Variants in MIX23 observed in about 807,000 individuals in gnomAD.
The protein encoded by MIX23 is mitochondrial matrix import factor 23.
In MIX23, 13 loss-of-function variants were observed where a neutral mutation model predicts 21.6. The ratio of observed to expected loss-of-function variants is 0.60; its 90% CI spans 0.39 to 0.96. The LOEUF is 0.96. MIX23 is among the 40% of genes least tolerant of loss of function. The pLI is 0.00. For missense variants in MIX23, 144 were observed against 171.2 expected, an observed-to-expected ratio of 0.84 and a Z score of 0.89; for synonymous variants, 59 against 58.0, an observed-to-expected ratio of 1.02 and a Z score of -0.08.
chr3:122,371,886 G>C (rs995332347), intron 1 of MIX23, 86 bp from the exon 2 acceptor site: 1 of 1,159,574 alleles, frequency 8.6e-7, no homozygotes, highest in Non-Finnish European at 1.2e-6. Flanking sequence ...TAAAGCTCTT[G>C]GATATTTTAC....
chr3:122,383,129 G>A, intron 1 of MIX23, 45 bp downstream of exon 1: 1 of 1,611,464 alleles, frequency 6.2e-7, no homozygotes, highest in Admixed American at 1.7e-5. Flanking sequence ...AGGGTCTGGG[G>A]ACAAAAGGAG....
chr3:122,360,054 A>C (rs1282079724), intron 4 of MIX23, 135 bp from the exon 5 acceptor site: 5 of 866,448 alleles, frequency 5.8e-6, no homozygotes, highest in Non-Finnish European at 7.3e-6. Context: ...GAAACAGAAG[A>C]GTTTCCTCAG....
intron 1 of MIX23, 139 bp downstream of exon 1, chr3:122,383,034 CA>C (rs1422615322): frequency 8.8e-7 from 1 of 1,131,534 alleles, no homozygotes; most frequent in Non-Finnish European, 1.3e-6. Context: ...CCGCGCCCCC[CA>C]TGACCTCCAA....
intron 3 of MIX23, chr3:122,367,840 A>G (rs1375041881): frequency 3.1e-6 from 1 of 324,036 alleles, no homozygotes; most frequent in African/African-American, 2.2e-5. Flanking sequence ...TACTGTACAG[A>G]TGTGATTTCC....
rs1218056941 is a variant in MIX23, at chr3:122,368,323, C to G, written c.178-1G>C. 6.4e-7 allele frequency: 1 copy of G among 1,570,418 alleles called. No homozygotes were observed. Among genetic ancestry groups the G allele is most frequent in the East Asian group, 2.3e-5 (1 of 43,954 alleles). On this transcript the variant is annotated splice_acceptor_variant, in intron 2 of 4. Transcript: ENST00000291458. LOFTEE classifies it high-confidence loss of function. ...CTCTACTGGCATGAGCTGCCATCAA[C>G]TAAAAGAACAAAGGAATGAAAGGAG... is the stretch of plus-strand genomic sequence containing the variant.
intron 2 of MIX23, among the ~76,000 whole-genome samples, 157 bp from the exon 3 acceptor site, chr3:122,368,479 G>A (rs377685282): frequency 1.3e-5 from 2 of 152,164 alleles, no homozygotes; most frequent in East Asian, 3.8e-4. Flanking sequence ...TGTTGAATCA[G>A]CTACCTCATC....
intron 1 of MIX23, among the ~76,000 whole-genome samples, chr3:122,375,321 T>C (rs550670797): frequency 2.0e-5 from 3 of 152,262 alleles, no homozygotes; most frequent in South Asian, 2.1e-4. Flanking sequence ...CATTAACTTA[T>C]GGTGGGGGAG....
At chr3:122,381,467 T>C (rs1435389307) in intron 1 of MIX23, among the ~76,000 whole-genome samples, 1 of 152,244 alleles carries the variant, frequency 6.6e-6, no homozygotes, top group Non-Finnish European at 1.5e-5. Context: ...GGCTCACGCC[T>C]GTAATCCCAG....
intron 4 of MIX23, among the ~76,000 whole-genome samples, chr3:122,361,508 T>C (rs936632117): frequency 6.6e-6 from 1 of 152,174 alleles, no homozygotes; most frequent in Non-Finnish European, 1.5e-5. Flanking sequence ...ATGGCTACAT[T>C]TTCTTCTTTT....
chr3:122,379,301 A>G (rs1478441688), intron 1 of MIX23, among the ~76,000 whole-genome samples: 1 of 152,254 alleles, frequency 6.6e-6, no homozygotes, highest in Admixed American at 6.5e-5. Context: ...TGTCCAACAT[A>G]GTAGCCCCTC....
chr3:122,359,847 AAAAAAAAAAAAG>A lies in MIX23; in HGVS notation c.*10_*21del, dbSNP rs745737302. 6.8e-6 allele frequency: 10 copies of A among 1,478,342 alleles called. No homozygotes were observed. Among genetic ancestry groups the A allele is most frequent in the South Asian group, 5.6e-5 (4 of 71,080 alleles). The allele number at this position is 1,478,342 out of a possible 1,614,324, so 91.6% of individuals were successfully genotyped here. ...CCAGTCCTTAAAAAAAAAAAAAAAAAAAAAAAAAAAAGAATCTCTCTTTATTCATTCTTTGGA... is the reference window on the plus strand; with the variant it reads ...CCAGTCCTTAAAAAAAAAAAAAAAAAAATCTCTCTTTATTCATTCTTTGGA... On this transcript the variant is annotated 3_prime_UTR_variant, in exon 5 of 5. Coordinates refer to ENST00000291458, the MANE Select transcript of MIX23 (RefSeq NM_001017928.4).
chr3:122,380,835 T>C (rs1221141374), intron 1 of MIX23, among the ~76,000 whole-genome samples: 2 of 152,204 alleles, frequency 1.3e-5, no homozygotes, highest in Admixed American at 6.5e-5. Context: ...GAAGGCCTGT[T>C]GCAAAGCTAG....
At chr3:122,375,559 A>G (rs554627839) in intron 1 of MIX23, among the ~76,000 whole-genome samples, 1 of 152,358 alleles carries the variant, frequency 6.6e-6, no homozygotes, top group South Asian at 2.1e-4. Flanking sequence ...TAGCGAACAG[A>G]TGAAACAAGA....
intron 1 of MIX23, among the ~76,000 whole-genome samples, chr3:122,379,201 G>A (rs2075511435): frequency 6.6e-6 from 1 of 152,196 alleles, no homozygotes; most frequent in Non-Finnish European, 1.5e-5. Flanking sequence ...TGAAGTAGTA[G>A]AGGCATGCCA....
Position 122,371,709 on chromosome 3 carries a change from T to C in MIX23, c.143A>G (p.Asp48Gly). 1 of 1,612,548 alleles carries C rather than the reference T, an allele frequency of 6.2e-7. No homozygotes were observed. Among genetic ancestry groups the C allele is most frequent in the Non-Finnish European group, 8.5e-7 (1 of 1,179,834 alleles). Residue 48 changes from aspartate to glycine, a missense_variant, in exon 2 of 5, where the codon GAT becomes GGT. Asp to Gly is a moderately conservative substitution (Grantham distance 94, BLOSUM62 -1). Transcript: ENST00000291458. ...AAGTTGTTTACAGGTTTGGCTGGCA[T>C]CAATTTTCCCTGCAAAGGAAGCTGT... is the stretch of plus-strand genomic sequence containing the variant. ...VPTASFAGKIDASQTCKQLYE... is the reference protein window; with the variant it reads ...VPTASFAGKIGASQTCKQLYE...
rs373699839 is a variant in MIX23 at position 122,383,136 on chromosome 3, G to A, written c.51+38C>T. 6 of 1,612,882 alleles carry A rather than the reference G, an allele frequency of 3.7e-6. No homozygotes were observed. In the African/African-American group the frequency reaches 5.3e-5, roughly 14 times the overall value. ...CAGGGAATAGGGTCTGGGGACAAAA[G>A]GAGGCACATGCCTGCCACATGAGGA... On this transcript the variant is annotated intron_variant, in intron 1 of 4. Coordinates refer to ENST00000291458, the MANE Select transcript of MIX23 (RefSeq NM_001017928.4).
chr3:122,373,007 T>C (rs1463069584), intron 1 of MIX23: 2 of 423,654 alleles, frequency 4.7e-6, no homozygotes, highest in Non-Finnish European at 9.5e-6. Context: ...AATCCATGAC[T>C]GAAACCAACT....
rs2075412331 is a variant in MIX23 at position 122,368,272 on chromosome 3, G to A, written c.228C>T (p.Ala76=). The change falls in exon 3 of 5, where the codon GCC becomes GCT. Residue 76 remains alanine (A), a synonymous_variant. Coordinates refer to ENST00000291458, the MANE Select transcript of MIX23 (RefSeq NM_001017928.4). ...GGTTTTTTACTACTGCTGAAGTCTG[G>A]GCTATACAGTTTTTTATGACTCTGT... ...SRDRVIKNCI[A]QTSAVVKNLR... is the part of the protein sequence containing the mutation. 5 of 1,608,478 alleles carry A rather than the reference G, an allele frequency of 3.1e-6. No homozygotes were observed. Among genetic ancestry groups the A allele is most frequent in the Non-Finnish European group, 3.4e-6 (4 of 1,179,312 alleles).
In MIX23 at chr3:122,359,780, C is replaced by A; in HGVS notation, c.*89G>T. On this transcript the variant is annotated 3_prime_UTR_variant, in exon 5 of 5. Coordinates refer to ENST00000291458, the MANE Select transcript of MIX23 (RefSeq NM_001017928.4). ...GGCTCAGAAATCATCCTAGAAAGCC[C>A]GCCCTGTTGATATCTGTCATGCTTA... The A allele has an allele frequency of 7.6e-7, 1 of 1,320,860 alleles. No homozygotes were observed. Among genetic ancestry groups the A allele is most frequent in the Non-Finnish European group, 9.9e-7 (1 of 1,007,174 alleles). 81.8% of individuals were successfully genotyped at this position (1,320,860 alleles called of 1,614,324 possible).
Sources: gnomAD v4.1 joint callset for allele counts (sites outside exome capture counted in the v4.1 genomes callset) on GRCh38, gnomAD v4.1.1 for gene constraint, MANE v1.5 for transcripts, NCBI Gene and HGNC (gene_info 2026-07-23, HGNC 2026-07-21) for gene names.